The following GPC6 variants were observed in gnomAD, a reference collection of about 807,000 sequenced individuals.
GPC6 encodes glypican 6, also known as glypican-6.
Under a neutral mutation model 55.2 loss-of-function variants are expected in GPC6, and 14 were observed. The observed-to-expected ratio is 0.25, with a 90% CI of 0.17 to 0.40. GPC6 has a LOEUF of 0.40. GPC6 is among the 10% of genes least tolerant of loss of function. The pLI, the probability that GPC6 is intolerant of heterozygous loss-of-function variation, is 1.00. For missense variants in GPC6, 641 were observed against 708.5 expected, an observed-to-expected ratio of 0.90 and a Z score of 1.08; for synonymous variants, 278 against 259.6, an observed-to-expected ratio of 1.07 and a Z score of -0.68.
At chr13:93,698,072 T>C in intron 2 of GPC6, among the ~76,000 whole-genome samples, 1 of 152,138 alleles carries the variant, frequency 6.6e-6, no homozygotes, top group African/African-American at 2.4e-5. Flanking sequence ...ACGCCAAAGT[T>C]GTCATCATTG....
intron 4 of GPC6, among the ~76,000 whole-genome samples, chr13:94,134,240 G>A (rs1435377244): frequency 6.6e-6 from 1 of 152,174 alleles, no homozygotes; most frequent in African/African-American, 2.4e-5. Context: ...CTTAATGATT[G>A]GGCATTATCA....
chr13:94,113,750 G>C (rs983874572), intron 4 of GPC6, among the ~76,000 whole-genome samples: 1 of 152,050 alleles, frequency 6.6e-6, no homozygotes, highest in African/African-American at 2.4e-5. Context: ...GCCGGGCATA[G>C]TATCTCACGC....
intron 2 of GPC6, among the ~76,000 whole-genome samples, chr13:93,745,427 C>T (rs1884364874): frequency 6.6e-6 from 1 of 152,100 alleles, no homozygotes; most frequent in African/African-American, 2.4e-5. Context: ...CTCTCTGATA[C>T]TCCCTCCTCT....
At chr13:93,715,316 G>A (rs1235961475) in intron 2 of GPC6, among the ~76,000 whole-genome samples, 1 of 151,706 alleles carries the variant, frequency 6.6e-6, no homozygotes, top group Non-Finnish European at 1.5e-5. Context: ...ACAGTAGTAT[G>A]GATGGAGCTG....
At chr13:93,579,287 G>A (rs1876820250) in intron 2 of GPC6, among the ~76,000 whole-genome samples, 1 of 152,082 alleles carries the variant, frequency 6.6e-6, no homozygotes. Context: ...TATTGAAGGT[G>A]ATGGATATGC....
chr13:93,953,683 A>G (rs959372954), intron 3 of GPC6, among the ~76,000 whole-genome samples: 4 of 152,240 alleles, frequency 2.6e-5, no homozygotes, highest in African/African-American at 9.6e-5. Context: ...AGATAGAACC[A>G]TAAGTATCAC....
intron 1 of GPC6, among the ~76,000 whole-genome samples, chr13:93,488,830 T>C (rs1194073103): frequency 6.6e-6 from 1 of 152,182 alleles, no homozygotes; most frequent in African/African-American, 2.4e-5. Context: ...TGTTTTTTTC[T>C]TGTACGTGTG....
intron 3 of GPC6, among the ~76,000 whole-genome samples, chr13:93,976,435 A>G (rs928593344): frequency 2.0e-5 from 3 of 151,998 alleles, no homozygotes; most frequent in Admixed American, 6.6e-5. Context: ...ATAAAAGAAA[A>G]ATACACATTT....
At chr13:94,261,632 G>T (rs1891661015) in intron 4 of GPC6, among the ~76,000 whole-genome samples, 1 of 152,216 alleles carries the variant, frequency 6.6e-6, no homozygotes, top group Non-Finnish European at 1.5e-5. Flanking sequence ...CTTAAGAAAT[G>T]AGCACACTAA....
chr13:93,656,813 C>T (rs1594347416), intron 2 of GPC6, among the ~76,000 whole-genome samples: 1 of 152,038 alleles, frequency 6.6e-6, no homozygotes, highest in East Asian at 1.9e-4. Flanking sequence ...CCAATAACAT[C>T]CAAGCTGAGT....
At chr13:93,558,201 T>C (rs953645965) in intron 2 of GPC6, among the ~76,000 whole-genome samples, 41 of 152,312 alleles carry the variant, frequency 2.7e-4, no homozygotes, top group African/African-American at 8.7e-4. Flanking sequence ...AACTACGATA[T>C]ACATAAAAAG....
rs116756615 is a variant in GPC6, at chr13:94,250,110, G to C, written c.878-36239G>C. 6.9e-3 allele frequency among the ~76,000 whole-genome samples: 1,046 copies of C among 152,272 alleles called. 17 individuals carry two copies. Among genetic ancestry groups the C allele is most frequent in the African/African-American group, 0.024 (992 of 41,566 alleles). On this transcript the variant is annotated intron_variant, in intron 4 of 8. Transcript: ENST00000377047. ...GCCAAGCACTATATTAAGCACTGTG[G>C]ATGAACACCATGGAGATTAAGAGAA...
intron 3 of GPC6, among the ~76,000 whole-genome samples, chr13:93,935,478 TAC>T (rs1878390310): frequency 6.6e-6 from 1 of 152,234 alleles, no homozygotes. Context: ...GGTATATATG[TAC>T]CACATTTTCT....
At chr13:93,376,104 G>T (rs1874885106) in intron 1 of GPC6, among the ~76,000 whole-genome samples, 2 of 150,418 alleles carry the variant, frequency 1.3e-5, no homozygotes, top group Admixed American at 1.3e-4. Flanking sequence ...AGAGGACATG[G>T]AGTAAGCTGG....
At chr13:93,296,138 T>C (rs548315921) in intron 1 of GPC6, among the ~76,000 whole-genome samples, 1 of 152,354 alleles carries the variant, frequency 6.6e-6, no homozygotes, top group Admixed American at 6.5e-5. Flanking sequence ...GTAGCACTTC[T>C]CTTTCCATTT....
At chr13:93,525,394 G>A (rs1450308582) in intron 1 of GPC6, among the ~76,000 whole-genome samples, 3 of 151,982 alleles carry the variant, frequency 2.0e-5, no homozygotes, top group African/African-American at 7.2e-5. Flanking sequence ...AAGAGCATGT[G>A]TTTGGAAAAG....
intron 3 of GPC6, among the ~76,000 whole-genome samples, chr13:93,913,717 GTTA>G (rs1030535572): frequency 6.6e-6 from 1 of 152,056 alleles, no homozygotes; most frequent in African/African-American, 2.4e-5. Context: ...ATAAGGTAGA[GTTA>G]TTATTTTTAC....
At chr13:93,605,059 C>T (rs1047914586) in intron 2 of GPC6, among the ~76,000 whole-genome samples, 1 of 151,888 alleles carries the variant, frequency 6.6e-6, no homozygotes, top group Non-Finnish European at 1.5e-5. Context: ...GGATCCCTAC[C>T]TTTTTTTTGT....
intron 1 of GPC6, among the ~76,000 whole-genome samples, chr13:93,476,448 T>C (rs1012133093): frequency 2.6e-5 from 4 of 152,138 alleles, no homozygotes; most frequent in Non-Finnish European, 5.9e-5. Context: ...AATGAAAAGT[T>C]GCCCAACTTG....
Sources: allele counts gnomAD v4.1 joint callset (sites outside exome capture counted in the v4.1 genomes callset), GRCh38; gene constraint gnomAD v4.1.1; transcripts MANE v1.5; gene names NCBI Gene and HGNC (gene_info 2026-07-23, HGNC 2026-07-21).